NKAIN2: variants seen among roughly 807,000 people sequenced by gnomAD.
NKAIN2 encodes the protein sodium/potassium transporting ATPase interacting 2.
NKAIN2 carries 14 observed loss-of-function variants against 32.6 expected under a neutral mutation model. The observed-to-expected ratio is 0.43, with a 90% CI of 0.28 to 0.67. NKAIN2 has a LOEUF of 0.67. Ranked by LOEUF, NKAIN2 falls within the 30% of genes least tolerant of loss-of-function variation. NKAIN2 has a pLI of 0.17. For missense variants in NKAIN2, 198 were observed against 258.3 expected (o/e 0.77, Z 1.60); for synonymous variants, 80 against 87.2 (o/e 0.92, Z 0.46).
intron 4 of NKAIN2, among the ~76,000 whole-genome samples, chr6:124,753,771 C>T (rs993285320): frequency 6.6e-6 from 1 of 151,976 alleles, no homozygotes; most frequent in Admixed American, 6.6e-5. Flanking sequence ...TTATTGTTGC[C>T]CCAGGGAGGT....
At position 123,804,019 on chromosome 6, in the gene NKAIN2, C is replaced by T; in HGVS notation, c.-182C>T. On this transcript the variant is annotated 5_prime_UTR_variant, in exon 1 of 7. Transcript: ENST00000368417. The stretch of plus-strand genomic sequence containing the variant: ...GCGCGGCTGGAGCTGCCGCCGCCGC[C>T]GCCGCCGCGCCAGCAGGTCCTAATG... 3.2e-6 allele frequency: 2 copies of T among 625,928 alleles called. No individual in the cohort carries two copies. The highest frequency in any genetic ancestry group is 5.7e-6 in the Non-Finnish European group (2 of 352,536). 38.8% of individuals were successfully genotyped at this position (625,928 alleles called of 1,614,324 possible).
intron 1 of NKAIN2, among the ~76,000 whole-genome samples, chr6:123,856,399 T>C (rs1013753495): frequency 1.2e-4 from 19 of 152,246 alleles, no homozygotes; most frequent in African/African-American, 4.6e-4. Flanking sequence ...CTTATTCCTA[T>C]TTTAGTGAAC....
intron 2 of NKAIN2, among the ~76,000 whole-genome samples, chr6:124,300,965 T>G (rs1796268213): frequency 6.6e-6 from 1 of 152,272 alleles, no homozygotes; most frequent in African/African-American, 2.4e-5. Flanking sequence ...CTGCAGAAAT[T>G]TGCATAAGTA....
At chr6:124,616,431 T>C (rs1782892652) in intron 3 of NKAIN2, among the ~76,000 whole-genome samples, 1 of 144,432 alleles carries the variant, frequency 6.9e-6, no homozygotes, top group African/African-American at 2.6e-5. Context: ...TCTTTTTCTT[T>C]TCTTTCTTTT....
At chr6:124,815,896 T>C (rs1181446508) in intron 5 of NKAIN2, among the ~76,000 whole-genome samples, 1 of 152,196 alleles carries the variant, frequency 6.6e-6, no homozygotes, top group Non-Finnish European at 1.5e-5. Flanking sequence ...TCTCCTTATT[T>C]TATCCTCATA....
At chr6:124,681,705 A>G (rs928272006) in intron 4 of NKAIN2, among the ~76,000 whole-genome samples, 2 of 152,080 alleles carry the variant, frequency 1.3e-5, no homozygotes, top group East Asian at 1.9e-4. Flanking sequence ...AGATTGAGAC[A>G]TATGGGGATA....
intron 1 of NKAIN2, among the ~76,000 whole-genome samples, chr6:124,208,848 G>T (rs1582850416): frequency 6.6e-6 from 1 of 151,250 alleles, no homozygotes; most frequent in Non-Finnish European, 1.5e-5. Context: ...ATGCATAATA[G>T]TTGTAGATAT....
intron 3 of NKAIN2, among the ~76,000 whole-genome samples, chr6:124,542,868 A>C (rs73567533): frequency 0.015 from 2,320 of 152,304 alleles, 58 homozygotes; most frequent in African/African-American, 0.053. Context: ...TATTCATAAC[A>C]TTTCGAACAT....
chr6:124,795,346 GAA>G lies in NKAIN2; in HGVS notation c.535+3949_535+3950del, dbSNP rs1306884577. On this transcript the variant is annotated intron_variant, in intron 5 of 6. Coordinates refer to ENST00000368417, the MANE Select transcript of NKAIN2 (RefSeq NM_001040214.3). Reference sequence around the variant, plus strand: ...CAGGTGTATCCAGGAAACTTCAGAGGAAAGAGGCAGAAACCTCCAGGAAGCAA... The same window carrying G: ...CAGGTGTATCCAGGAAACTTCAGAGGAGAGGCAGAAACCTCCAGGAAGCAA... Among the ~76,000 whole-genome samples the G allele has an allele frequency of 2.0e-5, 3 of 152,128 alleles. No homozygotes were observed. The East Asian group carries it at 5.8e-4, about 29-fold the overall frequency.
chr6:124,044,366 G>T (rs746249735), intron 1 of NKAIN2, among the ~76,000 whole-genome samples: 3 of 152,076 alleles, frequency 2.0e-5, no homozygotes, highest in African/African-American at 7.2e-5. Flanking sequence ...CTTTGGGTTG[G>T]TGTTATTCTG....
intron 1 of NKAIN2, among the ~76,000 whole-genome samples, chr6:124,093,372 G>A (rs987569467): frequency 1.3e-5 from 2 of 152,044 alleles, no homozygotes; most frequent in African/African-American, 2.4e-5. Context: ...TCACATCCAG[G>A]ATCTACTACT....
intron 3 of NKAIN2, among the ~76,000 whole-genome samples, chr6:124,359,758 C>A (rs1413251593): frequency 6.6e-6 from 1 of 152,100 alleles, no homozygotes; most frequent in Admixed American, 6.6e-5. Context: ...ATTGAATACC[C>A]TTTATTTGCT....
chr6:124,689,025 G>T (rs1195396017), intron 4 of NKAIN2, among the ~76,000 whole-genome samples: 1 of 152,116 alleles, frequency 6.6e-6, no homozygotes, highest in South Asian at 2.1e-4. Context: ...TTTGGTAAGA[G>T]TGTATTTAGT....
rs147654384 is a variant in NKAIN2 at position 124,158,198 on chromosome 6, G to A, written c.55-124807G>A. On this transcript the variant is annotated intron_variant, in intron 1 of 6. Transcript: ENST00000368417. ...CTCTCTGCTTGGCTTGCAGACTGCT[G>A]CCTTTTTCCTTTGTTCTTTCTCTTC... Among the ~76,000 whole-genome samples, 6 of 152,228 alleles carry A rather than the reference G, an allele frequency of 3.9e-5. No homozygotes were observed. The East Asian group carries it at 1.2e-3, about 29-fold the overall frequency.
intron 3 of NKAIN2, among the ~76,000 whole-genome samples, chr6:124,367,437 T>C (rs918868132): frequency 6.6e-6 from 1 of 152,122 alleles, no homozygotes. Flanking sequence ...GATAATGAGG[T>C]CTACATCTCT....
Position 124,065,003 on chromosome 6 carries a change from C to A in NKAIN2, c.55-218002C>A, listed in dbSNP as rs1229085912. ...AGGCCCTGGTACTGAGTTAGCTGTT[C>A]TCTTTCAATGAACAGAAGAGTGGAC... On this transcript the variant is annotated intron_variant, in intron 1 of 6. Transcript: ENST00000368417. Among the ~76,000 whole-genome samples the A allele has an allele frequency of 6.6e-5, 10 of 152,042 alleles. 1 individual carries two copies. Among genetic ancestry groups the A allele is most frequent in the Admixed American group, 6.6e-4 (10 of 15,232 alleles).
intron 3 of NKAIN2, among the ~76,000 whole-genome samples, chr6:124,646,579 A>C (rs1583576676): frequency 6.6e-6 from 1 of 152,346 alleles, no homozygotes; most frequent in East Asian, 1.9e-4. Flanking sequence ...AATGAAAAAC[A>C]GCAACAACAA....
At chr6:124,034,415 T>C (rs1273877682) in intron 1 of NKAIN2, among the ~76,000 whole-genome samples, 1 of 152,120 alleles carries the variant, frequency 6.6e-6, no homozygotes. Context: ...GATAATGACC[T>C]CTGGGTCCAT....
intron 1 of NKAIN2, among the ~76,000 whole-genome samples, chr6:124,264,862 A>T (rs1431922470): frequency 6.6e-6 from 1 of 152,210 alleles, no homozygotes; most frequent in Non-Finnish European, 1.5e-5. Context: ...CAGCTATATA[A>T]AATGGTGAAT....
Sources: allele counts gnomAD v4.1 joint callset (sites outside exome capture counted in the v4.1 genomes callset), GRCh38; gene constraint gnomAD v4.1.1; transcripts MANE v1.5; gene names NCBI Gene and HGNC (gene_info 2026-07-23, HGNC 2026-07-21).